The following ADAMTS6 variants were observed in gnomAD, a reference collection of about 807,000 sequenced individuals.
ADAMTS6 encodes ADAM metallopeptidase with thrombospondin type 1 motif 6.
Under a neutral mutation model 144.3 loss-of-function variants are expected in ADAMTS6, and 23 were observed. The ratio of observed to expected loss-of-function variants is 0.16; its 90% CI spans 0.11 to 0.23. The LOEUF (loss-of-function observed/expected upper bound fraction) is 0.23, where lower values mean the gene tolerates loss of function less well. Ranked by LOEUF, ADAMTS6 falls within the 10% of genes least tolerant of loss-of-function variation. The pLI is 1.00. For missense variants in ADAMTS6, 999 were observed against 1,379.6 expected (o/e 0.72, Z 4.37); for synonymous variants, 444 against 457.5 (o/e 0.97, Z 0.38).
chr5:65,468,567 C>T (rs1760204031), intron 3 of ADAMTS6, among the ~76,000 whole-genome samples: 1 of 152,118 alleles, frequency 6.6e-6, no homozygotes, highest in African/African-American at 2.4e-5. Context: ...ATAGTAACTT[C>T]AGTGGACAAA....
chr5:65,187,898 G>T, intron 22 of ADAMTS6, 118 bp downstream of exon 22: 1 of 1,035,998 alleles, frequency 9.7e-7, no homozygotes, highest in Non-Finnish European at 1.4e-6. Flanking sequence ...CATGGTCACT[G>T]TTACACAGCC....
At chr5:65,380,913 C>T (rs1440303611) in intron 7 of ADAMTS6, among the ~76,000 whole-genome samples, 1 of 152,108 alleles carries the variant, frequency 6.6e-6, no homozygotes, top group Non-Finnish European at 1.5e-5. Context: ...ATATAAAATT[C>T]TATATGCAGT....
At chr5:65,476,090 T>C (rs1318647528) in intron 1 of ADAMTS6, among the ~76,000 whole-genome samples, 1 of 152,192 alleles carries the variant, frequency 6.6e-6, no homozygotes, top group Non-Finnish European at 1.5e-5. Context: ...TTGGTTTAGA[T>C]GAAGCAAGCA....
intron 12 of ADAMTS6, among the ~76,000 whole-genome samples, chr5:65,267,849 C>A (rs1354372771): frequency 6.6e-6 from 1 of 152,146 alleles, no homozygotes; most frequent in Non-Finnish European, 1.5e-5. Context: ...ACAGAACATT[C>A]TTCCCAAGTC....
rs1391305059 is a variant in ADAMTS6 at position 65,273,202 on chromosome 5, A to AC, written c.1620+137_1620+138insG. ...TTGCAGCTACCAAGGTATGACAATT[A>AC]ACCTATTGTTCTAGGAATTAATTAT... On this transcript the variant is annotated intron_variant, in intron 12 of 24. Coordinates refer to ENST00000381055, the MANE Select transcript of ADAMTS6 (RefSeq NM_197941.4). The AC allele has an allele frequency of 4.1e-6, 3 of 724,422 alleles. No individual in the cohort carries two copies. The African/African-American group carries it at 5.3e-5, about 13-fold the overall frequency. The allele number at this position is 724,422 out of a possible 1,614,324, so 44.9% of individuals were successfully genotyped here.
At chr5:65,223,389 T>C (rs921578678) in intron 18 of ADAMTS6, among the ~76,000 whole-genome samples, 1 of 152,214 alleles carries the variant, frequency 6.6e-6, no homozygotes, top group Admixed American at 6.5e-5. Flanking sequence ...ATACGATACA[T>C]TTTATTAACT....
At chr5:65,367,700 C>T (rs1431749747) in intron 7 of ADAMTS6, among the ~76,000 whole-genome samples, 1 of 152,072 alleles carries the variant, frequency 6.6e-6, no homozygotes, top group African/African-American at 2.4e-5. Flanking sequence ...CACGATCCAA[C>T]TTCTCCTTTT....
At chr5:65,399,078 G>A (rs2150160543) in intron 7 of ADAMTS6, among the ~76,000 whole-genome samples, 1 of 152,060 alleles carries the variant, frequency 6.6e-6, no homozygotes, top group East Asian at 1.9e-4. Flanking sequence ...CCAACATGGT[G>A]AAACCCCGTC....
rs539742584 is a variant in ADAMTS6, at chr5:65,160,552, C to T, written c.3245-8607G>A. Among the ~76,000 whole-genome samples the T allele has an allele frequency of 4.6e-5, 7 of 152,262 alleles. No homozygotes were observed. The East Asian group carries it at 7.7e-4, about 17-fold the overall frequency. Reference sequence around the variant, plus strand: ...ATCTCCTGACCTCGTGATCTGCCCGCCTCGCCCTCCCAAAGTGCTGGGATT... The same window carrying T: ...ATCTCCTGACCTCGTGATCTGCCCGTCTCGCCCTCCCAAAGTGCTGGGATT... On this transcript the variant is annotated intron_variant, in intron 24 of 24. Transcript: ENST00000381055.
chr5:65,465,175 A>G (rs1366945105), intron 3 of ADAMTS6, among the ~76,000 whole-genome samples: 1 of 152,226 alleles, frequency 6.6e-6, no homozygotes, highest in Non-Finnish European at 1.5e-5. Context: ...TTCATTCAGT[A>G]TCCCATTCTC....
At chr5:65,287,017 T>C (rs1352294922) in intron 11 of ADAMTS6, among the ~76,000 whole-genome samples, 1 of 152,190 alleles carries the variant, frequency 6.6e-6, no homozygotes, top group African/African-American at 2.4e-5. Flanking sequence ...GACATACTGA[T>C]ACTGCTGTTT....
At chr5:65,314,892 T>A (rs1452128660) in intron 9 of ADAMTS6, among the ~76,000 whole-genome samples, 1 of 152,098 alleles carries the variant, frequency 6.6e-6, no homozygotes, top group Non-Finnish European at 1.5e-5. Flanking sequence ...TAGGTCTATA[T>A]ACAGAAAGGA....
At chr5:65,292,387 T>C (rs1742401157) in intron 10 of ADAMTS6, among the ~76,000 whole-genome samples, 1 of 137,964 alleles carries the variant, frequency 7.2e-6, no homozygotes, top group Admixed American at 7.3e-5. Context: ...AGCACTTGTG[T>C]TTTTTTTTTT....
At position 65,471,097 on chromosome 5, in the gene ADAMTS6, A is replaced by G. The variant is rs760325467; in HGVS notation, c.143T>C (p.Ile48Thr). 6.2e-7 allele frequency: 1 copy of G among 1,608,940 alleles called. No homozygotes were observed. Among genetic ancestry groups the G allele is most frequent in the Non-Finnish European group, 8.5e-7 (1 of 1,178,262 alleles). The change falls in exon 3 of 25, where the codon ATA becomes ACA. Residue 48 changes from isoleucine (I) to threonine (T), a missense_variant. Physicochemically the swap from Ile to Thr is moderately conservative, Grantham distance 89 (BLOSUM62 -1). Around this residue, in one of 3 missense-constraint regions of ADAMTS6, gnomAD observed 252 missense variants for 293.7 expected, o/e 0.86. Coordinates refer to ENST00000381055, the MANE Select transcript of ADAMTS6 (RefSeq NM_197941.4). The part of the protein sequence containing the change: ...YLEHYQLTIP[I>T]RVDQNGAFLS... ...AAATGCTCCATTTTGATCAACCCTT[A>G]TTGGAATAGTTAGCTGGTAGTGTTC...
chr5:65,311,351 G>A (rs1417923466), intron 9 of ADAMTS6, among the ~76,000 whole-genome samples: 1 of 152,118 alleles, frequency 6.6e-6, no homozygotes, highest in Admixed American at 6.5e-5. Context: ...TTACTATACA[G>A]AGACTGAGAG....
chr5:65,453,529 G>A (rs1009061199), intron 4 of ADAMTS6, among the ~76,000 whole-genome samples: 108 of 152,246 alleles, frequency 7.1e-4, no homozygotes, highest in African/African-American at 2.5e-3. Flanking sequence ...AAAGCCTAGA[G>A]GTAAGAGACA....
chr5:65,351,266 T>C (rs1748819940), intron 7 of ADAMTS6, among the ~76,000 whole-genome samples: 1 of 152,236 alleles, frequency 6.6e-6, no homozygotes, highest in South Asian at 2.1e-4. Context: ...TATATAATTA[T>C]GAAAGACTTA....
At chr5:65,425,217 G>C (rs1046861362) in intron 7 of ADAMTS6, among the ~76,000 whole-genome samples, 1 of 152,102 alleles carries the variant, frequency 6.6e-6, no homozygotes, top group Non-Finnish European at 1.5e-5. Flanking sequence ...ATTTAGAGAC[G>C]GGGTTTTGCC....
intron 13 of ADAMTS6, 92 bp downstream of exon 13, chr5:65,262,725 G>A (rs768872146): frequency 1.7e-4 from 235 of 1,382,380 alleles, no homozygotes; most frequent in Non-Finnish European, 2.0e-4. Flanking sequence ...GCTCACTAGC[G>A]AAACGTTTTT....
Sources: allele counts gnomAD v4.1 joint callset (sites outside exome capture counted in the v4.1 genomes callset), GRCh38; gene constraint gnomAD v4.1.1; regional missense constraint gnomAD v4.1.1; transcripts MANE v1.5; gene names NCBI Gene and HGNC (gene_info 2026-07-23, HGNC 2026-07-21).